Variants in PUS7 observed in about 807,000 individuals in gnomAD.
PUS7 encodes pseudouridylate synthase 7 homolog.
PUS7 carries 48 observed loss-of-function variants against 79.8 expected under a neutral mutation model. That is an observed-to-expected ratio of 0.60 (90% CI 0.48 to 0.76). The LOEUF (loss-of-function observed/expected upper bound fraction) is 0.76, where lower values mean the gene tolerates loss of function less well. Ranked by LOEUF, PUS7 falls within the 30% of genes least tolerant of loss-of-function variation. The probability of loss-of-function intolerance (pLI) is 0.00; values close to 1 mark genes in which losing one functional copy is unlikely to be tolerated. For missense variants in PUS7, 729 were observed against 797.6 expected, an observed-to-expected ratio of 0.91 and a Z score of 1.04; for synonymous variants, 286 against 272.2, an observed-to-expected ratio of 1.05 and a Z score of -0.50.
chr7:105,461,200 C>T (rs918024806), intron 14 of PUS7, among the ~76,000 whole-genome samples: 10 of 152,136 alleles, frequency 6.6e-5, no homozygotes, highest in Non-Finnish European at 7.3e-5. Flanking sequence ...ACAACCAGAG[C>T]GGTGTTTGGA....
chr7:105,483,294 C>A (rs1267148329), intron 7 of PUS7, among the ~76,000 whole-genome samples: 2 of 152,052 alleles, frequency 1.3e-5, no homozygotes, highest in Non-Finnish European at 2.9e-5. Context: ...TCCCAAGTAG[C>A]TGGGCTTACA....
intron 4 of PUS7, among the ~76,000 whole-genome samples, chr7:105,504,652 T>G (rs932580990): frequency 3.3e-5 from 5 of 152,248 alleles, no homozygotes; most frequent in Middle Eastern, 3.4e-3. Context: ...CAATAGTAAA[T>G]TTTACCACAT....
chr7:105,460,853 C>CAAAAA (rs55923593), intron 14 of PUS7, among the ~76,000 whole-genome samples: 3 of 83,528 alleles, frequency 3.6e-5, no homozygotes, highest in East Asian at 3.9e-4. Context: ...GACTCCGTCT[C>CAAAAA]AAAAAAAAAA....
chr7:105,461,405 G>C (rs1321586349), intron 14 of PUS7, among the ~76,000 whole-genome samples: 1 of 151,742 alleles, frequency 6.6e-6, no homozygotes, highest in Non-Finnish European at 1.5e-5. Context: ...TCTTTTTTTA[G>C]AGACAGGGTC....
At chr7:105,479,187 C>G (rs903435453) in intron 9 of PUS7, among the ~76,000 whole-genome samples, 10 of 152,188 alleles carry the variant, frequency 6.6e-5, no homozygotes, top group Non-Finnish European at 1.3e-4. Flanking sequence ...TATCTCCATT[C>G]TACAGATGAG....
chr7:105,514,066 T>TA (rs1825800630), intron 1 of PUS7, among the ~76,000 whole-genome samples: 1 of 134,098 alleles, frequency 7.5e-6, no homozygotes, highest in Non-Finnish European at 1.6e-5. Context: ...CCGTCTCTAC[T>TA]AAAAAATACA....
intron 9 of PUS7, among the ~76,000 whole-genome samples, chr7:105,477,723 C>T (rs534999471): frequency 1.8e-4 from 28 of 151,574 alleles, no homozygotes; most frequent in African/African-American, 6.3e-4. Context: ...AAAATCCTGT[C>T]CCATTAGTAG....
At chr7:105,469,227 A>G (rs1823778882) in intron 11 of PUS7, among the ~76,000 whole-genome samples, 1 of 149,406 alleles carries the variant, frequency 6.7e-6, no homozygotes, top group African/African-American at 2.5e-5. Flanking sequence ...TTAATCTCTC[A>G]TTTTTTCTTT....
At chr7:105,520,769 T>G (rs73190174) in intron 1 of PUS7, among the ~76,000 whole-genome samples, 20,794 of 151,562 alleles carry the variant, frequency 0.14, 1,817 homozygotes, top group South Asian at 0.26. Flanking sequence ...CGAGTGTGGT[T>G]GCTCAAGCCT....
chr7:105,483,006 G>T (rs1824389638), intron 7 of PUS7, among the ~76,000 whole-genome samples: 1 of 151,672 alleles, frequency 6.6e-6, no homozygotes, highest in Admixed American at 6.6e-5. Flanking sequence ...TATATAGCTG[G>T]AATTCTACCC....
intron 5 of PUS7, 112 bp from the exon 6 acceptor site, chr7:105,495,365 G>T (rs1412175668): frequency 5.8e-5 from 38 of 656,370 alleles, no homozygotes; most frequent in Non-Finnish European, 8.0e-6. Flanking sequence ...GTCTGATAAA[G>T]AAATACAGGT....
At chr7:105,512,694 C>T (rs1284050024) in intron 1 of PUS7, among the ~76,000 whole-genome samples, 1 of 152,118 alleles carries the variant, frequency 6.6e-6, no homozygotes, top group African/African-American at 2.4e-5. Context: ...CATGAGGCTA[C>T]AAGGAGGGAG....
chr7:105,461,867 C>T (rs185088881), intron 14 of PUS7, among the ~76,000 whole-genome samples: 1 of 152,196 alleles, frequency 6.6e-6, no homozygotes, highest in African/African-American at 2.4e-5. Context: ...GGTTTAAGTA[C>T]TTGTGCATCT....
intron 1 of PUS7, among the ~76,000 whole-genome samples, chr7:105,514,665 A>G (rs915279642): frequency 2.0e-5 from 3 of 152,204 alleles, no homozygotes; most frequent in Non-Finnish European, 4.4e-5. Context: ...GGAATCCCCA[A>G]AACACTTTTT....
intron 11 of PUS7, 55 bp from the exon 12 acceptor site, chr7:105,468,518 T>G: frequency 6.7e-7 from 1 of 1,489,528 alleles, no homozygotes. Context: ...TAAAAAGTGC[T>G]GTACTTTTTT....
At chr7:105,513,288 T>C (rs1032199314) in intron 1 of PUS7, among the ~76,000 whole-genome samples, 1 of 152,260 alleles carries the variant, frequency 6.6e-6, no homozygotes, top group East Asian at 1.9e-4. Context: ...ATAACGGCCA[T>C]TCACACAGCT....
chr7:105,493,118 T>C (rs1028150817), intron 6 of PUS7, among the ~76,000 whole-genome samples: 4 of 152,206 alleles, frequency 2.6e-5, no homozygotes, highest in Admixed American at 6.5e-5. Flanking sequence ...TCTAGAGATA[T>C]AATGTACCAC....
At chr7:105,461,467 C>T (rs1006878686) in intron 14 of PUS7, among the ~76,000 whole-genome samples, 5 of 152,168 alleles carry the variant, frequency 3.3e-5, no homozygotes, top group Admixed American at 6.5e-5. Flanking sequence ...GCAATCCTCC[C>T]GCTTCAGCCT....
chr7:105,483,942 C>T (rs749362022), intron 7 of PUS7, among the ~76,000 whole-genome samples: 5 of 152,170 alleles, frequency 3.3e-5, no homozygotes, highest in Admixed American at 1.3e-4. Context: ...CGCTTTTACA[C>T]GTCTTTCAAT....
Sources: gnomAD v4.1 joint callset for allele counts (sites outside exome capture counted in the v4.1 genomes callset) on GRCh38, gnomAD v4.1.1 for gene constraint, MANE v1.5 for transcripts, NCBI Gene and HGNC (gene_info 2026-07-23, HGNC 2026-07-21) for gene names.